Variants in COP1 observed in about 807,000 individuals in gnomAD.
The protein encoded by COP1 is COP1 E3 ubiquitin ligase, also known as E3 ubiquitin-protein ligase COP1.
Under a neutral mutation model 101.3 loss-of-function variants are expected in COP1, and 24 were observed. The observed-to-expected ratio is 0.24, with a 90% CI of 0.17 to 0.33. The LOEUF (loss-of-function observed/expected upper bound fraction) is 0.33, where lower values mean the gene tolerates loss of function less well. Among genes scored for constraint, COP1 ranks in the 10% least tolerant of loss-of-function variants. The pLI is 1.00. For missense variants in COP1, 663 were observed against 906.2 expected (o/e 0.73, Z 3.45); for synonymous variants, 347 against 341.9 (o/e 1.01, Z -0.17).
At chr1:176,184,230 A>G (rs1486366748) in intron 2 of COP1, among the ~76,000 whole-genome samples, 3 of 152,222 alleles carry the variant, frequency 2.0e-5, no homozygotes, top group Non-Finnish European at 4.4e-5. Flanking sequence ...AAAAGAACAC[A>G]GAACTTTTTA....
intron 5 of COP1, among the ~76,000 whole-genome samples, chr1:176,154,013 T>C (rs1459482488): frequency 2.6e-5 from 4 of 152,206 alleles, no homozygotes; most frequent in African/African-American, 4.8e-5. Flanking sequence ...TTGAGGATTT[T>C]TGCATGGATG....
intron 3 of COP1, among the ~76,000 whole-genome samples, chr1:176,167,922 T>C (rs1695381683): frequency 6.6e-6 from 1 of 152,048 alleles, no homozygotes; most frequent in South Asian, 2.1e-4. Flanking sequence ...TTGAAAACAG[T>C]GACTGACAGT....
chr1:176,160,894 A>C (rs1227494831), intron 5 of COP1, among the ~76,000 whole-genome samples: 2 of 152,156 alleles, frequency 1.3e-5, no homozygotes, highest in African/African-American at 4.8e-5. Flanking sequence ...AGGGGTTAAA[A>C]ATTATAGTTT....
At chr1:176,029,115 T>G (rs1041991962) in intron 14 of COP1, among the ~76,000 whole-genome samples, 1 of 152,112 alleles carries the variant, frequency 6.6e-6, no homozygotes, top group Non-Finnish European at 1.5e-5. Context: ...AATATGAAAA[T>G]GTACACAAAC....
At chr1:175,976,267 A>ATTTTTT (rs1225101059) in intron 18 of COP1, among the ~76,000 whole-genome samples, 7 of 41,730 alleles carry the variant, frequency 1.7e-4, no homozygotes, top group South Asian at 7.0e-4. Flanking sequence ...TCAATTAGTC[A>ATTTTTT]TTCTTTTTTT....
intron 6 of COP1, among the ~76,000 whole-genome samples, chr1:176,143,001 A>G (rs1010287130): frequency 1.3e-5 from 2 of 152,084 alleles, no homozygotes; most frequent in African/African-American, 4.8e-5. Context: ...GAAATAATAA[A>G]GAACATAAAT....
chr1:176,119,626 T>C (rs1686774570), intron 8 of COP1, among the ~76,000 whole-genome samples: 1 of 143,108 alleles, frequency 7.0e-6, no homozygotes, highest in South Asian at 2.3e-4. Context: ...GCTTAATATA[T>C]ACATTATACA....
intron 15 of COP1, among the ~76,000 whole-genome samples, chr1:175,994,648 A>G (rs1426003677): frequency 6.6e-6 from 1 of 152,228 alleles, no homozygotes; most frequent in Admixed American, 6.5e-5. Context: ...CAGACAAAGA[A>G]GGCCATTACA....
chr1:175,960,794 T>G (rs1013848037), intron 18 of COP1, among the ~76,000 whole-genome samples: 5 of 152,182 alleles, frequency 3.3e-5, no homozygotes, highest in Admixed American at 2.6e-4. Context: ...AAGGTAACAG[T>G]GTGATGGGTA....
chr1:175,958,936 A>C (rs1651001640), intron 18 of COP1, among the ~76,000 whole-genome samples: 1 of 152,010 alleles, frequency 6.6e-6, no homozygotes, highest in Admixed American at 6.6e-5. Context: ...ACATCAAAGG[A>C]GGAAAGAACT....
chr1:176,196,498 G>A (rs1157737110), intron 1 of COP1, among the ~76,000 whole-genome samples: 2 of 152,078 alleles, frequency 1.3e-5, no homozygotes, highest in African/African-American at 2.4e-5. Context: ...TCAGCAACAC[G>A]GGTGTAATGG....
intron 18 of COP1, among the ~76,000 whole-genome samples, chr1:175,973,231 G>A (rs1009972187): frequency 5.3e-5 from 8 of 152,146 alleles, no homozygotes; most frequent in Admixed American, 5.2e-4. Context: ...TTACACAAAT[G>A]TCTCATGACA....
chr1:175,994,852 C>T (rs1659696982), intron 15 of COP1, among the ~76,000 whole-genome samples: 1 of 152,162 alleles, frequency 6.6e-6, no homozygotes, highest in Admixed American at 6.5e-5. Flanking sequence ...AGAAAGTCAA[C>T]AAGGATATCC....
At chr1:175,951,321 T>C (rs190386935) in intron 18 of COP1, among the ~76,000 whole-genome samples, 10 of 149,792 alleles carry the variant, frequency 6.7e-5, no homozygotes, top group African/African-American at 2.4e-4. Context: ...AATGAACAGT[T>C]ATTCACTCAG....
chr1:176,027,559 T>C lies in COP1; in HGVS notation c.1729+13A>G. 6.7e-7 allele frequency: 1 copy of C among 1,502,490 alleles called. No homozygotes were observed. The highest frequency in any genetic ancestry group is 1.4e-5 in the African/African-American group (1 of 72,804). 93.1% of individuals were successfully genotyped at this position (1,502,490 alleles called of 1,614,324 possible). ...CAACATCAAAGGAAGACAAATCTGCTTTCATTTCTTACCTGCACAGCCGAA... is the reference window on the plus strand; with the variant it reads ...CAACATCAAAGGAAGACAAATCTGCCTTCATTTCTTACCTGCACAGCCGAA... On this transcript the variant is annotated intron_variant, in intron 15 of 19. Coordinates refer to ENST00000367669, the MANE Select transcript of COP1 (RefSeq NM_022457.7).
rs1674605075 is a variant in COP1 at position 176,060,281 on chromosome 1, GTTTA to G, written c.1278-13961_1278-13958del. ...TGAAAAACTTTTGTGAATATCAAGT[GTTTA>G]TTTTGTGATAAAATGTCTTTCTCCT... On this transcript the variant is annotated intron_variant, in intron 11 of 19. Coordinates refer to ENST00000367669, the MANE Select transcript of COP1 (RefSeq NM_022457.7). Among the ~76,000 whole-genome samples the G allele has an allele frequency of 2.6e-5, 4 of 152,254 alleles. No homozygotes were observed. In the South Asian group the frequency reaches 8.3e-4, roughly 32 times the overall value.
chr1:176,001,890 C>T (rs1273860729), intron 15 of COP1, among the ~76,000 whole-genome samples: 1 of 151,964 alleles, frequency 6.6e-6, no homozygotes, highest in East Asian at 1.9e-4. Context: ...CAATCTTTTC[C>T]TTTCAATACT....
At chr1:176,121,840 G>A (rs1687166608) in intron 8 of COP1, among the ~76,000 whole-genome samples, 1 of 151,834 alleles carries the variant, frequency 6.6e-6, no homozygotes, top group South Asian at 2.1e-4. Flanking sequence ...GTAGATTTTT[G>A]GCAATATAGT....
Position 176,072,480 on chromosome 1 carries a change from C to T in COP1, c.1277+8672G>A, listed in dbSNP as rs145860725. On this transcript the variant is annotated intron_variant, in intron 11 of 19. Coordinates refer to ENST00000367669, the MANE Select transcript of COP1 (RefSeq NM_022457.7). ...GGCAAAATTTGGGAAGGAAATCCCT[C>T]CCTCTGCACTCCCATTCATCTCATT... Among the ~76,000 whole-genome samples the T allele has an allele frequency of 2.6e-3, 400 of 152,294 alleles. 3 individuals carry two copies. The highest frequency in any genetic ancestry group is 9.2e-3 in the African/African-American group (382 of 41,556).
Sources: allele counts gnomAD v4.1 joint callset (sites outside exome capture counted in the v4.1 genomes callset), GRCh38; gene constraint gnomAD v4.1.1; transcripts MANE v1.5; gene names NCBI Gene and HGNC (gene_info 2026-07-23, HGNC 2026-07-21).